HTR4: variants seen among roughly 807,000 people sequenced by gnomAD.
The protein encoded by HTR4 is 5-hydroxytryptamine (serotonin) receptor 4, G protein-coupled.
A neutral mutation model predicts 36.8 loss-of-function variants in HTR4; 16 were observed. That is an observed-to-expected ratio of 0.43 (90% CI 0.29 to 0.66). HTR4 has a LOEUF of 0.66. HTR4 is among the 30% of genes least tolerant of loss of function. The pLI is 0.13. For synonymous variants in HTR4, 189 were observed against 185.1 expected (o/e 1.02, Z -0.17); for missense variants, 438 against 490.9 (o/e 0.89, Z 1.02).
intron 2 of HTR4, among the ~76,000 whole-genome samples, chr5:148,601,153 A>C (rs1435811055): frequency 1.3e-5 from 2 of 152,124 alleles, no homozygotes; most frequent in African/African-American, 4.8e-5. Context: ...ATAACACCTC[A>C]CATCACAGAA....
intron 6 of HTR4, among the ~76,000 whole-genome samples, chr5:148,507,893 A>G (rs1312718116): frequency 6.6e-6 from 1 of 152,232 alleles, no homozygotes; most frequent in Non-Finnish European, 1.5e-5. Context: ...GCACCCACAC[A>G]GAAGTTCTTG....
intron 2 of HTR4, among the ~76,000 whole-genome samples, chr5:148,615,644 A>G (rs1370652199): frequency 2.0e-5 from 3 of 151,744 alleles, no homozygotes; most frequent in Non-Finnish European, 4.4e-5. Context: ...ACTAACCTGC[A>G]CAATGTGCAC....
intron 6 of HTR4, among the ~76,000 whole-genome samples, chr5:148,487,722 TAGAG>T (rs1406503874): frequency 1.3e-5 from 2 of 151,578 alleles, no homozygotes; most frequent in South Asian, 4.2e-4. Context: ...AGCTTAGAGA[TAGAG>T]ACAGTAGAGA....
chr5:148,477,634 A>G (rs1025539877), downstream of HTR4, among the ~76,000 whole-genome samples: 1 of 152,206 alleles, frequency 6.6e-6, no homozygotes, highest in African/African-American at 2.4e-5. Context: ...ACTTACCTTA[A>G]CAGGGTTAAA....
At chr5:148,611,539 T>G (rs10068547) in intron 2 of HTR4, among the ~76,000 whole-genome samples, 44,021 of 115,572 alleles carry the variant, frequency 0.38, 8,727 homozygotes, top group East Asian at 0.58. Flanking sequence ...GCTAAACATG[T>G]AAAGGAACAA....
At chr5:148,622,762 G>T (rs73797933) in intron 2 of HTR4, among the ~76,000 whole-genome samples, 1 of 152,066 alleles carries the variant, frequency 6.6e-6, no homozygotes, top group Non-Finnish European at 1.5e-5. Flanking sequence ...GTGAAAGCAC[G>T]TTGTAAATTT....
intron 2 of HTR4, among the ~76,000 whole-genome samples, chr5:148,573,926 C>T (rs1312652630): frequency 6.6e-6 from 1 of 152,004 alleles, no homozygotes; most frequent in Non-Finnish European, 1.5e-5. Context: ...ATAAACAGAA[C>T]TAGGAATTAT....
rs1581491929 is a variant in HTR4, at chr5:148,571,555, G to C, written c.27-21293C>G. ...GGATTTCATTTCAGTATTGTAAAGG[G>C]GTATTACAAGCTATTTGTTTTTAAA... On this transcript the variant is annotated intron_variant, in intron 2 of 6. Transcript: ENST00000377888. 3.3e-5 allele frequency among the ~76,000 whole-genome samples: 5 copies of C among 151,972 alleles called. No homozygotes were observed. The South Asian group carries it at 1.0e-3, about 31-fold the overall frequency.
At chr5:148,521,072 A>T (rs1014930054) in intron 5 of HTR4, 4 of 1,300,074 alleles carry the variant, frequency 3.1e-6, no homozygotes, top group Non-Finnish European at 4.1e-6. Flanking sequence ...TCTCCACTCC[A>T]CTTCCCACAT....
chr5:148,582,318 T>C (rs1186403242), intron 2 of HTR4, among the ~76,000 whole-genome samples: 1 of 152,084 alleles, frequency 6.6e-6, no homozygotes, highest in Non-Finnish European at 1.5e-5. Context: ...TGATTTAAGA[T>C]GCAAGGGGTA....
chr5:148,482,820 A>G lies in HTR4; in HGVS notation c.*383T>C. ...TGATATCTGGAAGCCCACACAGCAA[A>G]GAAGGCGTATTTGGAGACATCAGTG... On this transcript the variant is annotated 3_prime_UTR_variant, in exon 7 of 7. Coordinates refer to ENST00000377888, the MANE Select transcript of HTR4 (RefSeq NM_000870.7). 1 of 1,062,218 alleles carries G rather than the reference A, an allele frequency of 9.4e-7. No individual in the cohort carries two copies. The highest frequency in any genetic ancestry group is 1.1e-6 in the Non-Finnish European group (1 of 874,358). 65.8% of individuals were successfully genotyped at this position (1,062,218 alleles called of 1,614,324 possible). A position where few individuals can be genotyped will look rare whatever the true frequency, so the allele number is the denominator to read the frequency against.
chr5:148,571,199 A>G (rs1760661142), intron 2 of HTR4, among the ~76,000 whole-genome samples: 1 of 152,138 alleles, frequency 6.6e-6, no homozygotes, highest in African/African-American at 2.4e-5. Context: ...ACTTATAAAT[A>G]AAAAGAATCT....
At chr5:148,568,310 C>G (rs1420578077) in intron 2 of HTR4, among the ~76,000 whole-genome samples, 1 of 152,152 alleles carries the variant, frequency 6.6e-6, no homozygotes, top group Admixed American at 6.6e-5. Context: ...ATTTTTTACA[C>G]TGATTATTTC....
intron 6 of HTR4, among the ~76,000 whole-genome samples, chr5:148,502,147 T>C (rs1313202889): frequency 6.7e-6 from 1 of 149,704 alleles, no homozygotes; most frequent in Non-Finnish European, 1.5e-5. Flanking sequence ...TTGAAGAGAG[T>C]AGTGGTTCTC....
intron 2 of HTR4, among the ~76,000 whole-genome samples, chr5:148,582,633 A>G (rs1243028452): frequency 6.6e-6 from 1 of 152,136 alleles, no homozygotes; most frequent in East Asian, 1.9e-4. Context: ...CCCAATACAG[A>G]GTCTCCTTTG....
At chr5:148,535,470 A>AAG (rs1435619050) in intron 4 of HTR4, among the ~76,000 whole-genome samples, 1 of 152,212 alleles carries the variant, frequency 6.6e-6, no homozygotes, top group African/African-American at 2.4e-5. Flanking sequence ...AACCCAATCC[A>AAG]AGGAAACCAA....
intron 2 of HTR4, among the ~76,000 whole-genome samples, chr5:148,633,382 C>CTT (rs56317650): frequency 2.0e-4 from 30 of 150,100 alleles, no homozygotes; most frequent in South Asian, 4.2e-4. Flanking sequence ...TATTAGAATT[C>CTT]TTTTTTTTTT....
chr5:148,471,990 C>T (rs1755579391), downstream of HTR4, among the ~76,000 whole-genome samples: 1 of 152,104 alleles, frequency 6.6e-6, no homozygotes, highest in Non-Finnish European at 1.5e-5. Context: ...TGTCCCTGTC[C>T]GTGTGATGCT....
intron 5 of HTR4, among the ~76,000 whole-genome samples, chr5:148,453,347 A>G (rs1010491635): frequency 2.6e-5 from 4 of 152,320 alleles, no homozygotes; most frequent in Admixed American, 1.3e-4. Context: ...TAGAGCTAGT[A>G]GTTGCTCCCT....
Sources: gnomAD v4.1 joint callset for allele counts (sites outside exome capture counted in the v4.1 genomes callset) on GRCh38, gnomAD v4.1.1 for gene constraint, MANE v1.5 for transcripts, NCBI Gene and HGNC (gene_info 2026-07-23, HGNC 2026-07-21) for gene names.